MPDZ: variants seen among roughly 807,000 people sequenced by gnomAD.
MPDZ encodes multiple PDZ domain protein.
Under a neutral mutation model 239.1 loss-of-function variants are expected in MPDZ, and 234 were observed. The observed-to-expected ratio is 0.98, with a 90% CI of 0.88 to 1.09. The LOEUF is 1.09. Among genes scored for constraint, MPDZ ranks in the 50% least tolerant of loss-of-function variants. MPDZ has a pLI of 0.00. For missense variants in MPDZ, 3,175 were observed against 2,510.0 expected (o/e 1.26, Z -5.66); for synonymous variants, 1,048 against 881.3 (o/e 1.19, Z -3.35).
At chr9:13,126,025 TG>T (rs1945057458) in intron 34 of MPDZ, among the ~76,000 whole-genome samples, 1 of 152,282 alleles carries the variant, frequency 6.6e-6, no homozygotes, top group African/African-American at 2.4e-5. Context: ...AGCTTTTTTC[TG>T]GCACTAATAA....
At chr9:13,122,217 G>C in intron 36 of MPDZ, 47 bp from the exon 37 acceptor site, 2 of 1,560,076 alleles carry the variant, frequency 1.3e-6, no homozygotes, top group Non-Finnish European at 1.8e-6. Context: ...ATTCTCCTAG[G>C]AATGGTGAGC....
chr9:13,266,411 T>C (rs964116630), intron 1 of MPDZ, among the ~76,000 whole-genome samples: 4 of 152,240 alleles, frequency 2.6e-5, no homozygotes, highest in African/African-American at 7.2e-5. Context: ...CACAGATGCA[T>C]GTACTGAGAA....
At chr9:13,114,716 A>G (rs1299833992) in intron 40 of MPDZ, among the ~76,000 whole-genome samples, 3 of 152,028 alleles carry the variant, frequency 2.0e-5, no homozygotes, top group African/African-American at 7.2e-5. Context: ...CCTGGCTGAC[A>G]TGGCGAAACC....
intron 39 of MPDZ, among the ~76,000 whole-genome samples, chr9:13,119,217 G>A (rs372441955): frequency 4.6e-5 from 7 of 152,120 alleles, no homozygotes; most frequent in African/African-American, 1.7e-4. Flanking sequence ...CTGAGTAGCT[G>A]GGACTATAGG....
chr9:13,190,170 G>A lies in MPDZ; in HGVS notation c.2098C>T (p.His700Tyr), dbSNP rs771156383. 6.2e-7 allele frequency: 1 copy of A among 1,613,204 alleles called. No individual in the cohort carries two copies. ...PLAMWEAGIQHIELEKGSKGL... is the reference protein window; with the variant it reads ...PLAMWEAGIQYIELEKGSKGL... ...TTGCTCCCTTTCTCCAGCTCTATGT[G>A]CTGAATGCCAGCCTCCCACATGGCC... The change falls in exon 16 of 47, where the codon CAC becomes TAC. Residue 700 changes from histidine to tyrosine, a missense_variant. Physicochemically the swap from His to Tyr is moderately conservative, Grantham distance 83. Transcript: ENST00000319217.
intron 26 of MPDZ, among the ~76,000 whole-genome samples, chr9:13,146,769 TA>T (rs1948492074): frequency 6.6e-6 from 1 of 151,974 alleles, no homozygotes; most frequent in Non-Finnish European, 1.5e-5. Context: ...TCATGAGGCA[TA>T]AAGAAGGAGT....
chr9:13,275,175 G>A (rs749044399), intron 1 of MPDZ, among the ~76,000 whole-genome samples: 2 of 152,178 alleles, frequency 1.3e-5, no homozygotes, highest in East Asian at 3.9e-4. Context: ...TGAGAACCTT[G>A]TTATGAGCTA....
intron 22 of MPDZ, among the ~76,000 whole-genome samples, chr9:13,163,368 A>T (rs1950685069): frequency 6.6e-6 from 1 of 152,100 alleles, no homozygotes; most frequent in Non-Finnish European, 1.5e-5. Flanking sequence ...TTATGGAAAG[A>T]CTCTTACTAA....
rs58472339 is a variant in MPDZ, at chr9:13,203,728, C to CCACACACACA, written c.1546+1298_1546+1307dup. Among the ~76,000 whole-genome samples, 190 of 140,554 alleles carry CCACACACACA rather than the reference C, an allele frequency of 1.4e-3. 1 individual carries two copies. Among genetic ancestry groups the CCACACACACA allele is most frequent in the African/African-American group, 4.6e-3 (172 of 37,690 alleles). The allele number at this position is 140,554 out of a possible 152,430, so 92.2% of individuals were successfully genotyped here. On this transcript the variant is annotated intron_variant, in intron 12 of 46. Transcript: ENST00000319217. ...TCTATAGTCACCCCCATGTATCCTG[C>CCACACACACA]CACACACACACACACACACACACAC...
At chr9:13,120,109 A>G (rs1301725215) in intron 38 of MPDZ, 1 of 159,842 alleles carries the variant, frequency 6.3e-6, no homozygotes, top group Non-Finnish European at 1.4e-5. Flanking sequence ...TGTATCTCAA[A>G]CTAAACACCA....
intron 1 of MPDZ, among the ~76,000 whole-genome samples, chr9:13,273,470 T>C (rs1318324653): frequency 6.6e-6 from 1 of 152,202 alleles, no homozygotes; most frequent in Non-Finnish European, 1.5e-5. Flanking sequence ...ATAAAGTTAC[T>C]GTGAAATTAA....
chr9:13,166,116 T>C (rs1951044845), intron 22 of MPDZ, among the ~76,000 whole-genome samples: 1 of 152,014 alleles, frequency 6.6e-6, no homozygotes, highest in Non-Finnish European at 1.5e-5. Context: ...GCTAGGTTCA[T>C]AAAGAAAAAT....
At chr9:13,153,913 G>T (rs10809912) in intron 24 of MPDZ, among the ~76,000 whole-genome samples, 1 of 151,900 alleles carries the variant, frequency 6.6e-6, no homozygotes, top group African/African-American at 2.4e-5. Context: ...GAGTAATACA[G>T]AAAACATAAG....
chr9:13,125,222 T>C lies in MPDZ; in HGVS notation c.4801A>G (p.Ile1601Val). 1.3e-6 allele frequency: 2 copies of C among 1,593,458 alleles called. No individual in the cohort carries two copies. Among genetic ancestry groups the C allele is most frequent in the Non-Finnish European group, 1.7e-6 (2 of 1,167,276 alleles). Residue 1601 changes from isoleucine to valine, a missense_variant, in exon 35 of 47, where the codon ATC becomes GTC. Physicochemically the swap from Ile to Val is conservative, Grantham distance 29 (BLOSUM62 3). Coordinates refer to ENST00000319217, the MANE Select transcript of MPDZ (RefSeq NM_001378778.1). ...PQSGSPEPESIRNTSRSSTPA... is the reference protein window; with the variant it reads ...PQSGSPEPESVRNTSRSSTPA... ...ATGAGTCCAGAGGCCTTACTTCGGATGGACTCCGGTTCTGGGGAGCCAGAC... is the reference window on the plus strand; with the variant it reads ...ATGAGTCCAGAGGCCTTACTTCGGACGGACTCCGGTTCTGGGGAGCCAGAC...
At chr9:13,165,408 T>C (rs1012497533) in intron 22 of MPDZ, 2 of 1,548,994 alleles carry the variant, frequency 1.3e-6, no homozygotes, top group Admixed American at 3.9e-5. Flanking sequence ...CTGCAGAAAA[T>C]CTAGAATGTG....
intron 25 of MPDZ, among the ~76,000 whole-genome samples, chr9:13,149,922 A>G (rs955366358): frequency 3.3e-5 from 5 of 152,034 alleles, no homozygotes; most frequent in African/African-American, 1.2e-4. Context: ...AAGGATTTAC[A>G]TGAAAGGTAA....
intron 39 of MPDZ, among the ~76,000 whole-genome samples, chr9:13,117,237 G>A (rs532114214): frequency 6.6e-6 from 1 of 152,090 alleles, no homozygotes; most frequent in African/African-American, 2.4e-5. Flanking sequence ...CTGCAGATTA[G>A]GAGCGACTAC....
chr9:13,199,475 TCTGGATGCCCGTTATTTC>T (rs1956120275), intron 12 of MPDZ, among the ~76,000 whole-genome samples: 2 of 152,006 alleles, frequency 1.3e-5, no homozygotes, highest in African/African-American at 4.8e-5. Context: ...CTCTTTCCAA[TCTGGATGCCCGTTATTTC>T]CTTCTCTTGC....
At chr9:13,193,819 C>G (rs1423759255) in intron 13 of MPDZ, among the ~76,000 whole-genome samples, 3 of 152,130 alleles carry the variant, frequency 2.0e-5, no homozygotes, top group Non-Finnish European at 4.4e-5. Flanking sequence ...TGTTCATTTT[C>G]ACACAGAATC....
Sources: allele counts gnomAD v4.1 joint callset (sites outside exome capture counted in the v4.1 genomes callset), GRCh38; gene constraint gnomAD v4.1.1; transcripts MANE v1.5; gene names NCBI Gene and HGNC (gene_info 2026-07-23, HGNC 2026-07-21).